Variants in CHD2 observed in about 807,000 individuals in gnomAD.
CHD2 encodes chromodomain helicase DNA binding protein 2, also known as ATP-dependent chromatin remodeler CHD2.
CHD2 carries 28 observed loss-of-function variants against 243.9 expected under a neutral mutation model. The ratio of observed to expected loss-of-function variants is 0.11; its 90% confidence interval spans 0.09 to 0.16. The LOEUF is 0.16. CHD2 is among the 10% of genes least tolerant of loss of function. The pLI is 1.00. For missense variants in CHD2, 1,386 were observed against 2,209.8 expected (o/e 0.63, Z 7.47); for synonymous variants, 775 against 779.0 (o/e 0.99, Z 0.09).
chr15:92,937,539 C>T lies in CHD2; in HGVS notation c.465C>T (p.Pro155=), dbSNP rs777343532. 4 of 1,611,506 alleles carry T rather than the reference C, an allele frequency of 2.5e-6. No individual in the cohort carries two copies. The highest frequency in any genetic ancestry group is 3.4e-5 in the Admixed American group (2 of 59,562). Residue 155 remains proline (P), a synonymous_variant, in exon 6 of 39, where the codon CCC becomes CCT. Transcript: ENST00000394196. The stretch of plus-strand genomic sequence containing the variant: ...ACAGAGAAAAATGGAAACAGGAACC[C>T]TCAGAAGATGAACAGGAACAAGGCA... ...LKKQEKWKQE[P]SEDEQEQGTS...
intron 14 of CHD2, among the ~76,000 whole-genome samples, chr15:92,954,930 G>T (rs926903865): frequency 6.6e-6 from 1 of 152,118 alleles, no homozygotes; most frequent in East Asian, 1.9e-4. Context: ...GTTATTATAC[G>T]TATTGCATTA....
At chr15:92,985,325 C>T (rs544423638) in intron 25 of CHD2, among the ~76,000 whole-genome samples, 173 bp from the exon 26 acceptor site, 1 of 152,248 alleles carries the variant, frequency 6.6e-6, no homozygotes, top group South Asian at 2.1e-4. Context: ...TATGACTGTC[C>T]TAAGTGGGTA....
At chr15:92,975,908 T>A (rs929916315) in intron 20 of CHD2, among the ~76,000 whole-genome samples, 23 of 152,136 alleles carry the variant, frequency 1.5e-4, no homozygotes, top group African/African-American at 5.6e-4. Flanking sequence ...ATGGAATAAT[T>A]AAAGACATCG....
At chr15:93,019,345 G>A (rs575516586) in intron 37 of CHD2, among the ~76,000 whole-genome samples, 2 of 152,278 alleles carry the variant, frequency 1.3e-5, no homozygotes, top group African/African-American at 4.8e-5. Context: ...GTTGTTAAGA[G>A]TCTGCCACAG....
Position 92,967,304 on chromosome 15 carries a change from AC to A in CHD2, c.2001-20del. 1 of 1,566,092 alleles carries A rather than the reference AC, an allele frequency of 6.4e-7. No individual in the cohort carries two copies. The highest frequency in any genetic ancestry group is 8.7e-7 in the Non-Finnish European group (1 of 1,151,136). On this transcript the variant is annotated intron_variant, in intron 16 of 38. Coordinates refer to ENST00000394196, the MANE Select transcript of CHD2 (RefSeq NM_001271.4). Reference sequence around the variant, plus strand: ...CTTTTCCTCAATGTGGCTAAATAACACTATACTGTTTCTTCCCTAGGTTTGA... The same window carrying A: ...CTTTTCCTCAATGTGGCTAAATAACATATACTGTTTCTTCCCTAGGTTTGA...
At chr15:92,935,461 C>G (rs542396421) in intron 5 of CHD2, among the ~76,000 whole-genome samples, 213 of 152,330 alleles carry the variant, frequency 1.4e-3, no homozygotes, top group Non-Finnish European at 2.6e-3. Flanking sequence ...GTCTGCTATA[C>G]TTATAGAAGT....
At chr15:92,967,009 T>C (rs1427701817) in intron 16 of CHD2, among the ~76,000 whole-genome samples, 1 of 152,168 alleles carries the variant, frequency 6.6e-6, no homozygotes, top group African/African-American at 2.4e-5. Flanking sequence ...CAGCTATATC[T>C]GACGTTCCAT....
At chr15:92,901,883 C>G (rs1348023400) in intron 2 of CHD2, 5 of 304,644 alleles carry the variant, frequency 1.6e-5, no homozygotes, top group Admixed American at 5.0e-5. Flanking sequence ...TTTTGATACA[C>G]TTGACATTTT....
At chr15:92,955,781 A>G (rs1332977764) in intron 15 of CHD2, among the ~76,000 whole-genome samples, 2 of 152,226 alleles carry the variant, frequency 1.3e-5, no homozygotes, top group South Asian at 4.1e-4. Context: ...AGGGGACCTT[A>G]GGTCACCAAG....
chr15:93,000,388 T>A, intron 31 of CHD2, 124 bp from the exon 32 acceptor site: 3 of 1,038,070 alleles, frequency 2.9e-6, no homozygotes, highest in East Asian at 5.3e-5. Context: ...CTCTTTTGAT[T>A]TCTTTGGAAT....
At chr15:92,935,257 C>G (rs112288286) in intron 5 of CHD2, among the ~76,000 whole-genome samples, 2,242 of 152,190 alleles carry the variant, frequency 0.015, 49 homozygotes, top group African/African-American at 0.052. Context: ...AGGATGGTCT[C>G]AATCTACTGA....
intron 27 of CHD2, among the ~76,000 whole-genome samples, chr15:92,992,501 A>G (rs762132477): frequency 2.0e-4 from 31 of 152,242 alleles, no homozygotes; most frequent in Non-Finnish European, 3.5e-4. Context: ...GAGAAAGGAA[A>G]GTGAACACAA....
intron 25 of CHD2, 62 bp from the exon 26 acceptor site, chr15:92,985,436 A>T: frequency 6.7e-7 from 1 of 1,489,904 alleles, no homozygotes; most frequent in Non-Finnish European, 9.0e-7. Context: ...GCCTTCTCTT[A>T]GTCCTTTCAC....
intron 17 of CHD2, among the ~76,000 whole-genome samples, 186 bp from the exon 18 acceptor site, chr15:92,971,579 G>T (rs1321194766): frequency 6.6e-6 from 1 of 152,122 alleles, no homozygotes; most frequent in Non-Finnish European, 1.5e-5. Flanking sequence ...TCCTAATTCT[G>T]ACTGGAGATG....
intron 5 of CHD2, among the ~76,000 whole-genome samples, chr15:92,932,827 A>C (rs2053196818): frequency 2.5e-5 from 1 of 40,344 alleles, no homozygotes; most frequent in Non-Finnish European, 6.9e-5. Flanking sequence ...GCGCAATCTC[A>C]GCTCACTGTG....
chr15:92,921,508 T>G (rs1370616756), intron 2 of CHD2: 3 of 152,200 alleles, frequency 2.0e-5, no homozygotes, highest in Non-Finnish European at 4.4e-5. Flanking sequence ...TTCTATTAAA[T>G]AAATCCCTTC....
chr15:92,923,295 G>C (rs926863669), intron 2 of CHD2, among the ~76,000 whole-genome samples: 1 of 152,042 alleles, frequency 6.6e-6, no homozygotes, highest in East Asian at 1.9e-4. Context: ...GGGTCTCACT[G>C]TGACACCCAG....
At chr15:92,943,513 T>C (rs895772239) in intron 9 of CHD2, 1 of 168,056 alleles carries the variant, frequency 6.0e-6, no homozygotes, top group African/African-American at 2.4e-5. Flanking sequence ...TCTGGAACTC[T>C]CTGGGTTATG....
At chr15:92,967,611 T>C (rs933343756) in intron 17 of CHD2, 98 bp downstream of exon 17, 136 of 833,588 alleles carry the variant, frequency 1.6e-4, no homozygotes, top group Non-Finnish European at 2.2e-4. Context: ...TTTTTTTTTT[T>C]TGGAGACAGA....
Sources: allele counts gnomAD v4.1 joint callset (sites outside exome capture counted in the v4.1 genomes callset), GRCh38; gene constraint gnomAD v4.1.1; transcripts MANE v1.5; gene names NCBI Gene and HGNC (gene_info 2026-07-23, HGNC 2026-07-21).